Variants in BTRC observed in about 807,000 individuals in gnomAD.
BTRC encodes the protein F-box/WD repeat-containing protein 1A.
BTRC carries 42 observed loss-of-function variants against 85.5 expected under a neutral mutation model. The observed-to-expected ratio is 0.49, with a 90% CI of 0.38 to 0.64. The LOEUF (loss-of-function observed/expected upper bound fraction) is 0.64, where lower values mean the gene tolerates loss of function less well. Among genes scored for constraint, BTRC ranks in the 30% least tolerant of loss-of-function variants. The probability of loss-of-function intolerance (pLI) is 0.00; values close to 1 mark genes in which losing one functional copy is unlikely to be tolerated. For missense variants in BTRC, 594 were observed against 743.5 expected (o/e 0.80, Z 2.34); for synonymous variants, 255 against 263.3 (o/e 0.97, Z 0.30).
At chr10:101,366,970 ATATATT>A (rs1942454196) in intron 1 of BTRC, among the ~76,000 whole-genome samples, 2 of 61,840 alleles carry the variant, frequency 3.2e-5, no homozygotes, top group African/African-American at 5.8e-5. Flanking sequence ...TTATATAAAT[ATATATT>A]TATATATTTA....
chr10:101,520,340 A>G (rs773321535), intron 4 of BTRC, among the ~76,000 whole-genome samples: 1 of 152,046 alleles, frequency 6.6e-6, no homozygotes, highest in Non-Finnish European at 1.5e-5. Context: ...GGTATAAGCT[A>G]CTGCACCTGG....
chr10:101,535,278 C>T (rs1480030294), intron 10 of BTRC, 76 bp from the exon 11 acceptor site: 1 of 1,110,834 alleles, frequency 9.0e-7, no homozygotes, highest in African/African-American at 1.5e-5. Context: ...TTTTCTGCTT[C>T]TCTAAGACTC....
intron 13 of BTRC, among the ~76,000 whole-genome samples, chr10:101,549,899 T>C (rs1194267734): frequency 6.6e-6 from 1 of 152,016 alleles, no homozygotes; most frequent in East Asian, 1.9e-4. Context: ...CTATTAGATA[T>C]TCATGAATTT....
At position 101,358,244 on chromosome 10, in the gene BTRC, C is replaced by T. The variant is rs1025964192; in HGVS notation, c.48+4016C>T. On this transcript the variant is annotated intron_variant, in intron 1 of 14. Transcript: ENST00000370187. ...GGCGTCTCAAGTGGCTACAGGCACA[C>T]ACCACTATGCTGGCTATTTTTTTTT... is the stretch of plus-strand genomic sequence containing the variant. 1.2e-4 allele frequency among the ~76,000 whole-genome samples: 18 copies of T among 151,146 alleles called. 1 individual carries two copies. Among genetic ancestry groups the T allele is most frequent in the Non-Finnish European group, 1.0e-4 (7 of 67,982 alleles).
chr10:101,453,520 A>T (rs1945001040), intron 2 of BTRC: 1 of 152,224 alleles, frequency 6.6e-6, no homozygotes, highest in Admixed American at 6.5e-5. Flanking sequence ...CTGTTGCACC[A>T]TCCAACCTTG....
intron 3 of BTRC, among the ~76,000 whole-genome samples, chr10:101,476,050 C>G (rs1945677795): frequency 6.7e-6 from 1 of 150,222 alleles, no homozygotes; most frequent in Non-Finnish European, 1.5e-5. Flanking sequence ...CCAGAAATAC[C>G]AGCATACCTT....
chr10:101,383,640 C>G (rs1349678408), intron 1 of BTRC, among the ~76,000 whole-genome samples: 2 of 152,156 alleles, frequency 1.3e-5, no homozygotes, highest in Non-Finnish European at 2.9e-5. Flanking sequence ...GCTGGGGTTA[C>G]AGGCATGAGC....
intron 13 of BTRC, among the ~76,000 whole-genome samples, chr10:101,546,996 A>T (rs1305974859): frequency 5.3e-5 from 8 of 152,354 alleles, no homozygotes; most frequent in Non-Finnish European, 1.2e-4. Flanking sequence ...AGAATGAATA[A>T]CTTACTAACT....
intron 1 of BTRC, among the ~76,000 whole-genome samples, chr10:101,418,635 A>G (rs1944011521): frequency 6.6e-6 from 1 of 151,800 alleles, no homozygotes; most frequent in Non-Finnish European, 1.5e-5. Context: ...TTTTTTGCCA[A>G]ACATATATAT....
At chr10:101,522,390 A>AAAAAAAC (rs2062126977) in intron 5 of BTRC, among the ~76,000 whole-genome samples, 1 of 108,878 alleles carries the variant, frequency 9.2e-6, no homozygotes, top group Non-Finnish European at 1.9e-5. Flanking sequence ...AAAAAAAAAA[A>AAAAAAAC]CTCTAGAAAT....
chr10:101,551,322 G>A (rs1432775159), intron 14 of BTRC: 2 of 153,598 alleles, frequency 1.3e-5, no homozygotes, highest in Non-Finnish European at 2.9e-5. Context: ...ACATCTCTTG[G>A]TGAAAGTTCA....
In BTRC at chr10:101,363,750, G is replaced by A. The variant is rs570267716; in HGVS notation, c.48+9522G>A. 3.9e-5 allele frequency among the ~76,000 whole-genome samples: 6 copies of A among 152,286 alleles called. No individual in the cohort carries two copies. The East Asian group carries it at 9.6e-4, about 24-fold the overall frequency. Reference sequence around the variant, plus strand: ...AGAAAGCTTCATATTAGATCTTGATGAATAGATAGATTTTGACAGATATCT... The same window carrying A: ...AGAAAGCTTCATATTAGATCTTGATAAATAGATAGATTTTGACAGATATCT... On this transcript the variant is annotated intron_variant, in intron 1 of 14. Coordinates refer to ENST00000370187, the MANE Select transcript of BTRC (RefSeq NM_033637.4).
intron 2 of BTRC, among the ~76,000 whole-genome samples, chr10:101,443,145 G>A (rs1944735233): frequency 6.6e-6 from 1 of 152,122 alleles, no homozygotes; most frequent in Admixed American, 6.5e-5. Context: ...GCCTCCCAAA[G>A]TGCTGGGATT....
chr10:101,509,725 T>A (rs1223427843), intron 4 of BTRC, among the ~76,000 whole-genome samples: 3 of 60,240 alleles, frequency 5.0e-5, no homozygotes, highest in African/African-American at 8.1e-5. Flanking sequence ...GCTAATTTTT[T>A]TTTTTTTTTT....
At chr10:101,495,938 T>G (rs1460086792) in intron 4 of BTRC, among the ~76,000 whole-genome samples, 1 of 151,884 alleles carries the variant, frequency 6.6e-6, no homozygotes, top group African/African-American at 2.4e-5. Flanking sequence ...GGGTAAACAT[T>G]ATCCTCACTT....
At chr10:101,371,736 CAAGT>C (rs1267993261) in intron 1 of BTRC, among the ~76,000 whole-genome samples, 3 of 152,192 alleles carry the variant, frequency 2.0e-5, no homozygotes, top group Non-Finnish European at 4.4e-5. Context: ...AGTACCTCTT[CAAGT>C]CCGTGAGAAG....
chr10:101,528,143 G>C (rs1260104943), intron 6 of BTRC, among the ~76,000 whole-genome samples: 2 of 152,176 alleles, frequency 1.3e-5, no homozygotes, highest in Non-Finnish European at 2.9e-5. Flanking sequence ...CATTCCTTTA[G>C]CTATAAAGGT....
chr10:101,441,742 G>A (rs1216624132), intron 2 of BTRC, among the ~76,000 whole-genome samples: 6 of 152,022 alleles, frequency 3.9e-5, no homozygotes, highest in Non-Finnish European at 5.9e-5. Context: ...TTAGCCAGGC[G>A]TGGTAGTACA....
At chr10:101,420,641 A>G (rs1028810311) in intron 1 of BTRC, among the ~76,000 whole-genome samples, 3 of 151,614 alleles carry the variant, frequency 2.0e-5, no homozygotes, top group Non-Finnish European at 4.4e-5. Flanking sequence ...CTCCCAGCAG[A>G]TTTTTTCCTA....
Sources: gnomAD v4.1 joint callset for allele counts (sites outside exome capture counted in the v4.1 genomes callset) on GRCh38, gnomAD v4.1.1 for gene constraint, MANE v1.5 for transcripts, NCBI Gene and HGNC (gene_info 2026-07-23, HGNC 2026-07-21) for gene names.